Variants in TGFBI observed in about 807,000 individuals in gnomAD.
The protein encoded by TGFBI is transforming growth factor beta induced.
In TGFBI, 50 loss-of-function variants were observed where a neutral mutation model predicts 73.7. The observed-to-expected ratio is 0.68, with a 90% CI of 0.54 to 0.86. The LOEUF (loss-of-function observed/expected upper bound fraction) is 0.86, where lower values mean the gene tolerates loss of function less well. Among genes scored for constraint, TGFBI ranks in the 40% least tolerant of loss-of-function variants. The pLI is 0.00. For synonymous variants in TGFBI, 362 were observed against 360.5 expected, an observed-to-expected ratio of 1.00 and a Z score of -0.05; for missense variants, 839 against 877.0, an observed-to-expected ratio of 0.96 and a Z score of 0.55.
chr5:136,047,114 C>A (rs951843822), intron 5 of TGFBI, 99 bp downstream of exon 5: 5 of 1,537,374 alleles, frequency 3.3e-6, no homozygotes, highest in Non-Finnish European at 3.5e-6. Context: ...CTGTAGACAA[C>A]CCACCCTCTT....
chr5:136,056,600 G>A, intron 11 of TGFBI, 65 bp from the exon 12 acceptor site: 2 of 1,598,596 alleles, frequency 1.3e-6, no homozygotes, highest in Non-Finnish European at 1.7e-6. Context: ...ATACCTCTCA[G>A]CGTGGTGAGG....
intron 4 of TGFBI, 51 bp from the exon 5 acceptor site, chr5:136,046,800 C>G (rs1443590585): frequency 6.3e-7 from 1 of 1,579,820 alleles, no homozygotes; most frequent in African/African-American, 1.3e-5. Flanking sequence ...GGACCCATCT[C>G]TTAAACACAG....
chr5:136,047,475 G>A, intron 6 of TGFBI, 55 bp downstream of exon 6: 3 of 1,606,532 alleles, frequency 1.9e-6, no homozygotes, highest in African/African-American at 1.3e-5. Flanking sequence ...CCTCCCAAGA[G>A]GGGCCTAGCA....
chr5:136,046,517 C>T (rs749930646), intron 4 of TGFBI, 22 bp downstream of exon 4: 46 of 1,584,604 alleles, frequency 2.9e-5, no homozygotes, highest in Admixed American at 3.6e-5. Context: ...TCCGTCTGCC[C>T]GGGGGACTCT....
Position 136,063,397 on chromosome 5 carries a change from G to C in TGFBI, c.*171G>C. On this transcript the variant is annotated 3_prime_UTR_variant, in exon 17 of 17. Coordinates refer to ENST00000442011, the MANE Select transcript of TGFBI (RefSeq NM_000358.3). ...CATGTGGGGGAGGAGGGAGAGAGAT[G>C]TACTTTTTAAATCATGTTCCCCCTA... 1.6e-6 allele frequency: 1 copy of C among 631,980 alleles called. No homozygotes were observed. The highest frequency in any genetic ancestry group is 2.8e-6 in the Non-Finnish European group (1 of 359,828). 39.1% of individuals were successfully genotyped at this position (631,980 alleles called of 1,614,324 possible).
intron 2 of TGFBI, among the ~76,000 whole-genome samples, chr5:136,043,350 T>A (rs1580712722): frequency 6.6e-6 from 1 of 152,262 alleles, no homozygotes; most frequent in Admixed American, 6.5e-5. Flanking sequence ...TTGTATATTT[T>A]CAATTTCAAA....
At chr5:136,037,495 A>G (rs941070407) in intron 2 of TGFBI, among the ~76,000 whole-genome samples, 4 of 152,188 alleles carry the variant, frequency 2.6e-5, no homozygotes, top group African/African-American at 7.2e-5. Flanking sequence ...GAGGAGGCCT[A>G]TTTAACAGCC....
intron 5 of TGFBI, 23 bp downstream of exon 5, chr5:136,047,038 G>T (rs371472649): frequency 5.0e-6 from 8 of 1,608,166 alleles, no homozygotes; most frequent in Non-Finnish European, 6.8e-6. Context: ...CAGCCATACT[G>T]CATGGCCCTT....
At chr5:136,031,471 A>G (rs1423470911) in intron 1 of TGFBI, among the ~76,000 whole-genome samples, 1 of 152,230 alleles carries the variant, frequency 6.6e-6, no homozygotes, top group Non-Finnish European at 1.5e-5. Flanking sequence ...CGACCTCACC[A>G]CAACACAGTG....
rs1273328613 is a variant in TGFBI at position 136,055,881 on chromosome 5, C to T, written c.1547+65C>T. On this transcript the variant is annotated intron_variant, in intron 11 of 16. Coordinates refer to ENST00000442011, the MANE Select transcript of TGFBI (RefSeq NM_000358.3). Reference sequence around the variant, plus strand: ...GTCATGCTGGAGTGGGATGTGGGGCCCCAGCTATTTGTCAAGCTTTCTTCT... The same window carrying T: ...GTCATGCTGGAGTGGGATGTGGGGCTCCAGCTATTTGTCAAGCTTTCTTCT... 15 of 1,500,942 alleles carry T rather than the reference C, an allele frequency of 1.0e-5. No individual in the cohort carries two copies. The Admixed American group carries it at 1.4e-4, about 14-fold the overall frequency. The allele number at this position is 1,500,942 out of a possible 1,614,324, so 93.0% of individuals were successfully genotyped here. A position where few individuals can be genotyped will look rare whatever the true frequency, so the allele number is the denominator to read the frequency against.
At position 136,044,078 on chromosome 5, in the gene TGFBI, G is replaced by C; in HGVS notation, c.254G>C (p.Cys85Ser). 6.2e-7 allele frequency: 1 copy of C among 1,613,332 alleles called. No individual in the cohort carries two copies. Among genetic ancestry groups the C allele is most frequent in the Non-Finnish European group, 8.5e-7 (1 of 1,179,508 alleles). Residue 85 changes from cysteine to serine, a missense_variant, in exon 3 of 17, where the codon TGT (cysteine) becomes TCT (serine). Cys to Ser is a moderately radical substitution (Grantham distance 112). Transcript: ENST00000442011. ...TACAGAGTCATCAGCTACGAGTGCT[G>C]TCCTGGATATGAAAAGGTCCCTGGG... ...GKSTVISYEC[C>S]PGYEKVPGEK...
At position 136,063,604 on chromosome 5, in the gene TGFBI, G is replaced by T; in HGVS notation, c.*378G>T. 1 of 214,368 alleles carries T rather than the reference G, an allele frequency of 4.7e-6. No homozygotes were observed. The highest frequency in any genetic ancestry group is 1.0e-4 in the South Asian group (1 of 9,844). 13.3% of individuals were successfully genotyped at this position (214,368 alleles called of 1,614,324 possible). A position where few individuals can be genotyped will look rare whatever the true frequency, so the allele number is the denominator to read the frequency against. On this transcript the variant is annotated 3_prime_UTR_variant, in exon 17 of 17. Coordinates refer to ENST00000442011, the MANE Select transcript of TGFBI (RefSeq NM_000358.3). ...CAATCCAGCCTCATGGGAAGTCCTG[G>T]CACAGTTTTTGTAAAGCCCTTGCAC...
intron 13 of TGFBI, among the ~76,000 whole-genome samples, chr5:136,060,444 C>T (rs560294689): frequency 6.6e-6 from 1 of 152,338 alleles, no homozygotes; most frequent in Admixed American, 6.5e-5. Flanking sequence ...GGTGCAGTGG[C>T]TCATGCCTGT....
chr5:136,053,682 C>T (rs1375199204), intron 8 of TGFBI, among the ~76,000 whole-genome samples: 1 of 152,226 alleles, frequency 6.6e-6, no homozygotes, highest in African/African-American at 2.4e-5. Context: ...TGTGCCCTGA[C>T]CAAGCAGCCC....
At chr5:136,031,843 C>G (rs547334673) in intron 1 of TGFBI, among the ~76,000 whole-genome samples, 1 of 152,272 alleles carries the variant, frequency 6.6e-6, no homozygotes, top group African/African-American at 2.4e-5. Flanking sequence ...CCACACTCCC[C>G]GATGTGAGAA....
At chr5:136,041,571 A>G (rs888006582) in intron 2 of TGFBI, among the ~76,000 whole-genome samples, 7 of 152,214 alleles carry the variant, frequency 4.6e-5, no homozygotes, top group Non-Finnish European at 1.0e-4. Context: ...GGAATGCAGC[A>G]AGAGTCCTAG....
Position 136,054,842 on chromosome 5 carries a change from G to C in TGFBI, c.1391G>C (p.Arg464Thr), listed in dbSNP as rs1393309294. 6.2e-7 allele frequency: 1 copy of C among 1,613,642 alleles called. No homozygotes were observed. Among genetic ancestry groups the C allele is most frequent in the African/African-American group, 1.3e-5 (1 of 74,840 alleles). ...GAAACTCTGGGCGGCAAAAAACTGA[G>C]AGTTTTTGTTTATCGTAATGTAAGT... Reference protein sequence around the residue: ...TLETLGGKKLRVFVYRNSLCI... With the variant: ...TLETLGGKKLTVFVYRNSLCI... Residue 464 changes from arginine to threonine, a missense_variant, in exon 10 of 17, where the codon AGA becomes ACA. Arg to Thr is a moderately conservative substitution (Grantham distance 71). Transcript: ENST00000442011.
intron 2 of TGFBI, among the ~76,000 whole-genome samples, chr5:136,037,700 A>T (rs1188287332): frequency 6.6e-6 from 1 of 152,258 alleles, no homozygotes; most frequent in Admixed American, 6.5e-5. Flanking sequence ...ATGAGCTGGC[A>T]GAGCACTCCT....
chr5:136,050,185 T>C (rs1257981879), intron 7 of TGFBI, among the ~76,000 whole-genome samples: 2 of 151,796 alleles, frequency 1.3e-5, no homozygotes, highest in Non-Finnish European at 2.9e-5. Flanking sequence ...ATACAAAAAT[T>C]AGCTGGGCAT....
Sources: allele counts gnomAD v4.1 joint callset (sites outside exome capture counted in the v4.1 genomes callset), GRCh38; gene constraint gnomAD v4.1.1; transcripts MANE v1.5; gene names NCBI Gene and HGNC (gene_info 2026-07-23, HGNC 2026-07-21).